STOML3: variants seen among roughly 807,000 people sequenced by gnomAD.
The protein encoded by STOML3 is stomatin like 3, also known as stomatin-like protein 3.
A neutral mutation model predicts 29.5 loss-of-function variants in STOML3; 31 were observed. The observed-to-expected ratio is 1.05, with a 90% CI of 0.79 to 1.42. The LOEUF is 1.42. STOML3 is among the 40% of genes most tolerant of loss of function. The pLI is 0.00. For missense variants in STOML3, 380 were observed against 363.0 expected, an observed-to-expected ratio of 1.05 and a Z score of -0.38; for synonymous variants, 122 against 139.8, an observed-to-expected ratio of 0.87 and a Z score of 0.90.
Position 38,968,250 on chromosome 13 carries a change from T to C in STOML3, c.651+150A>G, listed in dbSNP as rs139519481. ...GTACAGTAAGCTGCTGGTTACCTTTTAATTCAGGGAAAATTCTCAGTAAAA... is the reference window on the plus strand; with the variant it reads ...GTACAGTAAGCTGCTGGTTACCTTTCAATTCAGGGAAAATTCTCAGTAAAA... On this transcript the variant is annotated intron_variant, in intron 6 of 6. Coordinates refer to ENST00000379631, the MANE Select transcript of STOML3 (RefSeq NM_145286.3). The C allele has an allele frequency of 6.0e-5, 73 of 1,220,688 alleles. No individual in the cohort carries two copies. The African/African-American group carries it at 1.0e-3, about 17-fold the overall frequency. 75.6% of individuals were successfully genotyped at this position (1,220,688 alleles called of 1,614,324 possible).
rs1480718494 is a variant in STOML3 at position 38,966,791 on chromosome 13, T to C, written c.*34A>G. ...GCTTCTCCATAGGAATAGACACCAC[T>C]CTCTATGCAATAGCTGACTACCGCA... On this transcript the variant is annotated 3_prime_UTR_variant, in exon 7 of 7. Transcript: ENST00000379631. 1.3e-6 allele frequency: 2 copies of C among 1,573,068 alleles called. No homozygotes were observed. Among genetic ancestry groups the C allele is most frequent in the Non-Finnish European group, 1.7e-6 (2 of 1,145,310 alleles).
chr13:38,987,829 A>G (rs1181365614), intron 1 of STOML3, among the ~76,000 whole-genome samples: 1 of 93,466 alleles, frequency 1.1e-5, no homozygotes, highest in African/African-American at 4.9e-5. Context: ...TATTTTATAT[A>G]ATATATTATA....
At position 38,976,578 on chromosome 13, in the gene STOML3, C is replaced by T. The variant is rs142178847; in HGVS notation, c.191G>A (p.Arg64His). The T allele has an allele frequency of 6.6e-5, 106 of 1,614,140 alleles. No homozygotes were observed. The highest frequency in any genetic ancestry group is 1.6e-4 in the Middle Eastern group (1 of 6,062). Residue 64 changes from arginine (R) to histidine (H), a missense_variant, in exon 3 of 7, where the codon CGT becomes CAT. Arg to His is a conservative substitution (Grantham distance 29). Coordinates refer to ENST00000379631, the MANE Select transcript of STOML3 (RefSeq NM_145286.3). ...TTTGTCAGCTTGGATGCGTCCCAGA[C>T]GGAATACAACAGCACGTTCATACTC... is the stretch of plus-strand genomic sequence containing the variant. ...IKEYERAVVF[R>H]LGRIQADKAK... is the part of the protein sequence containing the mutation.
chr13:38,974,798 T>C (rs2138012549), intron 3 of STOML3, among the ~76,000 whole-genome samples: 1 of 152,182 alleles, frequency 6.6e-6, no homozygotes, highest in Admixed American at 6.5e-5. Flanking sequence ...CATTTAAAAA[T>C]GGTATATTTT....
intron 1 of STOML3, among the ~76,000 whole-genome samples, chr13:38,981,156 T>G (rs1881255706): frequency 6.6e-6 from 1 of 152,194 alleles, no homozygotes; most frequent in Non-Finnish European, 1.5e-5. Context: ...GAAAACTTCC[T>G]GGTTTAGTGT....
Position 38,966,866 on chromosome 13 carries a change from C to A in STOML3, c.835G>T (p.Val279Phe). 1 of 1,613,664 alleles carries A rather than the reference C, an allele frequency of 6.2e-7. No individual in the cohort carries two copies. Among genetic ancestry groups the A allele is most frequent in the Non-Finnish European group, 8.5e-7 (1 of 1,179,970 alleles). Residue 279 changes from valine (V) to phenylalanine (F), a missense_variant, in exon 7 of 7, where the codon GTC becomes TTC. Transcript: ENST00000379631. ...PMNILEGIGG[V>F]SYDNHKKLPN... ...AGCTTCTTGTGGTTATCATAGCTGA[C>A]GCCACCAATGCCCTCTAGTATATTC... is the stretch of plus-strand genomic sequence containing the variant.
At chr13:38,981,988 A>G (rs1484172539) in intron 1 of STOML3, among the ~76,000 whole-genome samples, 1 of 152,212 alleles carries the variant, frequency 6.6e-6, no homozygotes, top group Admixed American at 6.5e-5. Context: ...TATTCACAGA[A>G]GCCAAGATAT....
intron 1 of STOML3, among the ~76,000 whole-genome samples, chr13:38,984,498 A>G (rs1021932882): frequency 6.6e-6 from 1 of 152,206 alleles, no homozygotes. Flanking sequence ...CCATAAGATT[A>G]TAATAGTGTG....
intron 4 of STOML3, 149 bp downstream of exon 4, chr13:38,972,363 C>A: frequency 1.5e-6 from 1 of 665,454 alleles, no homozygotes. Context: ...TTGGGAGCCA[C>A]CAAGGAAGGG....
chr13:38,969,015 G>T (rs142965643), intron 5 of STOML3, among the ~76,000 whole-genome samples: 1 of 152,158 alleles, frequency 6.6e-6, no homozygotes, highest in African/African-American at 2.4e-5. Flanking sequence ...TTTTCTTTCA[G>T]GACTGTTATT....
At chr13:38,974,860 T>C (rs528495546) in intron 3 of STOML3, among the ~76,000 whole-genome samples, 1 of 152,188 alleles carries the variant, frequency 6.6e-6, no homozygotes, top group South Asian at 2.1e-4. Flanking sequence ...GATCCAATTT[T>C]ATTTTAACTT....
chr13:38,985,911 C>CTTTTTTTTTTTTTTTTTTTTTTTTTT (rs1170409048), intron 1 of STOML3, among the ~76,000 whole-genome samples: 7 of 85,610 alleles, frequency 8.2e-5, no homozygotes, highest in Admixed American at 1.9e-4. Context: ...TCTTTTCTTT[C>CTTTTTTTTTTTTTTTTTTTTTTTTTT]TTTTTTTTTT....
At chr13:38,982,106 A>G (rs1248287024) in intron 1 of STOML3, among the ~76,000 whole-genome samples, 1 of 152,182 alleles carries the variant, frequency 6.6e-6, no homozygotes, top group Non-Finnish European at 1.5e-5. Flanking sequence ...CTACGGCTGT[A>G]TGTAAAATAT....
At chr13:38,974,609 G>T (rs1400692067) in intron 3 of STOML3, among the ~76,000 whole-genome samples, 5 of 152,176 alleles carry the variant, frequency 3.3e-5, no homozygotes, top group African/African-American at 9.7e-5. Flanking sequence ...CTCATGAAGT[G>T]TCAGTTATTA....
intron 1 of STOML3, among the ~76,000 whole-genome samples, chr13:38,989,474 G>T (rs1868907681): frequency 6.8e-6 from 1 of 147,840 alleles, no homozygotes; most frequent in African/African-American, 2.6e-5. Context: ...GTCTCTAAAT[G>T]TATACTTTTT....
intron 1 of STOML3, among the ~76,000 whole-genome samples, chr13:38,977,802 C>T (rs983088197): frequency 3.0e-5 from 4 of 131,210 alleles, no homozygotes; most frequent in African/African-American, 1.1e-4. Flanking sequence ...CTCTGTCGCC[C>T]AGGCTGGAGT....
chr13:38,975,243 C>G (rs1307168654), intron 3 of STOML3, among the ~76,000 whole-genome samples: 2 of 151,540 alleles, frequency 1.3e-5, no homozygotes, highest in Non-Finnish European at 2.9e-5. Flanking sequence ...ATCACTTGAA[C>G]CTGGAAGGCA....
chr13:38,974,988 T>TA (rs1163061623), intron 3 of STOML3, among the ~76,000 whole-genome samples: 1 of 152,202 alleles, frequency 6.6e-6, no homozygotes, highest in African/African-American at 2.4e-5. Flanking sequence ...AAGTAGTTTT[T>TA]ACCTTCTTTT....
intron 3 of STOML3, among the ~76,000 whole-genome samples, chr13:38,976,105 CT>C (rs1313406919): frequency 6.6e-6 from 1 of 152,150 alleles, no homozygotes; most frequent in Non-Finnish European, 1.5e-5. Flanking sequence ...AGGAAATTAC[CT>C]TTTGCTTTTC....
Sources: gnomAD v4.1 joint callset for allele counts (sites outside exome capture counted in the v4.1 genomes callset) on GRCh38, gnomAD v4.1.1 for gene constraint, MANE v1.5 for transcripts, NCBI Gene and HGNC (gene_info 2026-07-23, HGNC 2026-07-21) for gene names.